JAZF1: variants seen among roughly 807,000 people sequenced by gnomAD.
The protein encoded by JAZF1 is juxtaposed with another zinc finger protein 1.
Under a neutral mutation model 26.4 loss-of-function variants are expected in JAZF1, and 8 were observed. The observed-to-expected ratio is 0.30, with a 90% CI of 0.18 to 0.55. The LOEUF (loss-of-function observed/expected upper bound fraction) is 0.55, where lower values mean the gene tolerates loss of function less well. Among genes scored for constraint, JAZF1 ranks in the 20% least tolerant of loss-of-function variants. The pLI, the probability that JAZF1 is intolerant of heterozygous loss-of-function variation, is 0.94. For missense variants in JAZF1, 199 were observed against 322.0 expected (o/e 0.62, Z 2.92); for synonymous variants, 126 against 122.3 (o/e 1.03, Z -0.20).
At chr7:28,048,993 T>TTCCCTTCCC in intron 1 of JAZF1, among the ~76,000 whole-genome samples, 2 of 142,682 alleles carry the variant, frequency 1.4e-5, no homozygotes, top group Admixed American at 6.8e-5. Context: ...CTTCCCTTCC[T>TTCCCTTCCC]TCCTTCCCTT....
intron 1 of JAZF1, among the ~76,000 whole-genome samples, chr7:28,077,872 T>C (rs1019743072): frequency 6.6e-6 from 1 of 152,138 alleles, no homozygotes; most frequent in Non-Finnish European, 1.5e-5. Flanking sequence ...AAGTGGTAAT[T>C]TGGATTATGT....
rs184748899 is a variant in JAZF1, at chr7:27,980,306, G to A, written c.188+11603C>T. ...ACGACACATAGCATTGCAGCAGATT[G>A]GACGCAAAATCCAAAATCTAGCTGA... On this transcript the variant is annotated intron_variant, in intron 2 of 4. Transcript: ENST00000283928. Among the ~76,000 whole-genome samples the A allele has an allele frequency of 7.9e-5, 12 of 152,204 alleles. No homozygotes were observed. The East Asian group carries it at 2.1e-3, about 27-fold the overall frequency.
intron 1 of JAZF1, among the ~76,000 whole-genome samples, chr7:28,029,771 C>A (rs910913889): frequency 3.9e-5 from 6 of 152,144 alleles, no homozygotes; most frequent in Non-Finnish European, 8.8e-5. Context: ...ATGATCAGAG[C>A]CAAGTTTGCT....
intron 3 of JAZF1, chr7:27,842,051 C>G (rs1276029379): frequency 6.6e-6 from 1 of 152,024 alleles, no homozygotes; most frequent in East Asian, 1.9e-4. Flanking sequence ...AATATTGGCA[C>G]TTTTATTGGG....
intron 1 of JAZF1, among the ~76,000 whole-genome samples, chr7:28,070,534 G>C (rs946211928): frequency 6.6e-6 from 1 of 152,212 alleles, no homozygotes; most frequent in African/African-American, 2.4e-5. Flanking sequence ...CCACCATCCA[G>C]TCACAGCAAT....
chr7:27,920,228 A>T (rs1784506010), intron 2 of JAZF1, among the ~76,000 whole-genome samples: 1 of 152,214 alleles, frequency 6.6e-6, no homozygotes, highest in Non-Finnish European at 1.5e-5. Flanking sequence ...TTAAAACTTC[A>T]TCAAGTCATA....
intron 1 of JAZF1, among the ~76,000 whole-genome samples, chr7:28,063,967 T>C (rs747213157): frequency 2.0e-5 from 3 of 152,164 alleles, no homozygotes; most frequent in African/African-American, 7.2e-5. Context: ...ATGAGTTGCA[T>C]ATCATATTGA....
chr7:27,884,071 T>C (rs536969891), intron 3 of JAZF1, among the ~76,000 whole-genome samples: 3 of 152,338 alleles, frequency 2.0e-5, no homozygotes, highest in Non-Finnish European at 4.4e-5. Context: ...GGACTCCTGT[T>C]CTTCATTCCT....
chr7:27,910,713 T>A (rs182591539), intron 2 of JAZF1, among the ~76,000 whole-genome samples: 2 of 152,326 alleles, frequency 1.3e-5, no homozygotes, highest in East Asian at 3.9e-4. Flanking sequence ...ACCCATTACT[T>A]GCGTATGCAG....
Position 28,120,501 on chromosome 7 carries a change from CTTTT to C in JAZF1, c.115+59958_115+59961del, listed in dbSNP as rs58448766. Among the ~76,000 whole-genome samples the C allele has an allele frequency of 8.1e-4, 48 of 59,010 alleles. 1 individual carries two copies. The East Asian group carries it at 0.025, about 31-fold the overall frequency. The allele number at this position is 59,010 out of a possible 152,430, so 38.7% of individuals were successfully genotyped here. ...TCTGAACCACTAGCCACACACAGTT[CTTTT>C]TTTTTTTTTTTTTTTTTTTTTGAGA... On this transcript the variant is annotated intron_variant, in intron 1 of 4. Coordinates refer to ENST00000283928, the MANE Select transcript of JAZF1 (RefSeq NM_175061.4).
chr7:28,177,928 TG>T (rs1783572757), intron 1 of JAZF1, among the ~76,000 whole-genome samples: 1 of 152,204 alleles, frequency 6.6e-6, no homozygotes, highest in Non-Finnish European at 1.5e-5. Context: ...GGGCTGCCTT[TG>T]ATAGTAAAGG....
intron 3 of JAZF1, chr7:27,842,436 C>G (rs1165541507): frequency 1.3e-5 from 2 of 152,082 alleles, no homozygotes; most frequent in Non-Finnish European, 2.9e-5. Flanking sequence ...GGCTCTTCAC[C>G]ATTTAATACT....
At chr7:27,864,544 C>T (rs866793737) in intron 3 of JAZF1, among the ~76,000 whole-genome samples, 122 of 152,302 alleles carry the variant, frequency 8.0e-4, no homozygotes, top group African/African-American at 2.7e-3. Context: ...GGAGTCCTCT[C>T]CCTGCTGAGG....
At chr7:28,057,843 T>C (rs1344551514) in intron 1 of JAZF1, among the ~76,000 whole-genome samples, 25 of 152,238 alleles carry the variant, frequency 1.6e-4, no homozygotes, top group Admixed American at 1.6e-3. Flanking sequence ...TTGTTTTCCT[T>C]GATCAATCTT....
chr7:27,864,528 C>A (rs1783440684), intron 3 of JAZF1, among the ~76,000 whole-genome samples: 1 of 152,156 alleles, frequency 6.6e-6, no homozygotes, highest in African/African-American at 2.4e-5. Context: ...TACTGCCCCC[C>A]TAGCAGGAGT....
rs1308057674 is a variant in JAZF1, at chr7:27,991,978, G to C, written c.119C>G (p.Thr40Arg). 6.3e-7 allele frequency: 1 copy of C among 1,592,446 alleles called. No individual in the cohort carries two copies. The highest frequency in any genetic ancestry group is 8.6e-7 in the Non-Finnish European group (1 of 1,160,916). The change falls in exon 2 of 5, where the codon ACA becomes AGA. Residue 40 changes from threonine to arginine, a missense_variant. Physicochemically the swap from Thr to Arg is moderately conservative, Grantham distance 71 (BLOSUM62 -1). Around this residue, in one of 2 missense-constraint regions of JAZF1, gnomAD observed 137 missense variants for 184.8 expected, o/e 0.74. Transcript: ENST00000283928. Reference protein sequence around the residue: ...IEHIEDNHIDTDPRVLEKQEL... With the variant: ...IEHIEDNHIDRDPRVLEKQEL... ...TTGTTTTTCTAAAACCCGTGGATCT[G>C]TATCTGTAATAAAAACACAATTACG...
intron 1 of JAZF1, among the ~76,000 whole-genome samples, chr7:28,090,308 GAAC>G (rs778151768): frequency 1.3e-5 from 2 of 152,068 alleles, no homozygotes; most frequent in African/African-American, 2.4e-5. Context: ...TCTTCATCAT[GAAC>G]AACAAATCTC....
At chr7:28,063,107 A>C (rs1783826347) in intron 1 of JAZF1, among the ~76,000 whole-genome samples, 1 of 152,160 alleles carries the variant, frequency 6.6e-6, no homozygotes, top group Non-Finnish European at 1.5e-5. Flanking sequence ...CAAGGATTTA[A>C]AGTCAAATTA....
intron 2 of JAZF1, among the ~76,000 whole-genome samples, chr7:27,946,631 G>A (rs1340081389): frequency 6.6e-6 from 1 of 152,190 alleles, no homozygotes; most frequent in Admixed American, 6.5e-5. Context: ...TCAGATGTTG[G>A]GGTAGGGATT....
Sources: allele counts gnomAD v4.1 joint callset (sites outside exome capture counted in the v4.1 genomes callset), GRCh38; gene constraint gnomAD v4.1.1; regional missense constraint gnomAD v4.1.1; transcripts MANE v1.5; gene names NCBI Gene and HGNC (gene_info 2026-07-23, HGNC 2026-07-21).